Variants in DPYD observed in about 807,000 individuals in gnomAD.
DPYD encodes dihydropyrimidine dehydrogenase.
DPYD carries 109 observed loss-of-function variants against 116.2 expected under a neutral mutation model. The ratio of observed to expected loss-of-function variants is 0.94; its 90% CI spans 0.80 to 1.10. The LOEUF is 1.10. Among genes scored for constraint, DPYD ranks in the 50% least tolerant of loss-of-function variants. DPYD has a pLI of 0.00. For synonymous variants in DPYD, 440 were observed against 432.0 expected, an observed-to-expected ratio of 1.02 and a Z score of -0.23; for missense variants, 1,302 against 1,254.5, an observed-to-expected ratio of 1.04 and a Z score of -0.57.
At chr1:97,907,712 T>G (rs1436064329) in intron 1 of DPYD, among the ~76,000 whole-genome samples, 1 of 152,074 alleles carries the variant, frequency 6.6e-6, no homozygotes, top group Non-Finnish European at 1.5e-5. Context: ...CTTCCTTACG[T>G]TCTTTGTCCT....
intron 19 of DPYD, among the ~76,000 whole-genome samples, chr1:97,198,984 A>C (rs775952584): frequency 2.6e-5 from 4 of 152,128 alleles, no homozygotes; most frequent in African/African-American, 4.8e-5. Flanking sequence ...CAGTGCCCTG[A>C]ATTTTTACTT....
chr1:97,176,868 A>ATGTGTG (rs10677535), intron 20 of DPYD, among the ~76,000 whole-genome samples: 25,048 of 146,498 alleles, frequency 0.17, 2,882 homozygotes, highest in East Asian at 0.61. Flanking sequence ...GGACAAAAAA[A>ATGTGTG]TGTGTGTGTG....
intron 16 of DPYD, among the ~76,000 whole-genome samples, chr1:97,358,691 A>T (rs918563615): frequency 7.2e-5 from 11 of 152,182 alleles, no homozygotes; most frequent in Non-Finnish European, 1.6e-4. Flanking sequence ...AGCTCCAGCA[A>T]ACTTCAACAG....
chr1:97,434,405 A>C (rs536905916), intron 14 of DPYD, among the ~76,000 whole-genome samples: 291 of 152,218 alleles, frequency 1.9e-3, no homozygotes, highest in Non-Finnish European at 3.1e-3. Context: ...TCAGGAAAAG[A>C]ATCTCAGAGG....
chr1:97,814,562 G>A (rs193063859), intron 3 of DPYD, among the ~76,000 whole-genome samples: 10 of 152,048 alleles, frequency 6.6e-5, no homozygotes, highest in Admixed American at 2.0e-4. Context: ...GATTAGATGC[G>A]CATGTGAGAG....
intron 18 of DPYD, among the ~76,000 whole-genome samples, chr1:97,236,749 G>A (rs564898738): frequency 1.4e-4 from 21 of 152,324 alleles, no homozygotes; most frequent in African/African-American, 3.1e-4. Flanking sequence ...CGGACTTTGG[G>A]TGGTTAGGCT....
At chr1:97,844,372 A>G (rs1232782287) in intron 2 of DPYD, among the ~76,000 whole-genome samples, 1 of 152,224 alleles carries the variant, frequency 6.6e-6, no homozygotes, top group East Asian at 1.9e-4. Flanking sequence ...GCTGGTTGCC[A>G]GTCAATCAAC....
intron 11 of DPYD, among the ~76,000 whole-genome samples, chr1:97,571,826 T>C (rs768208816): frequency 6.6e-6 from 1 of 151,970 alleles, no homozygotes; most frequent in Non-Finnish European, 1.5e-5. Context: ...TAAATCCTAT[T>C]GAGTAAGATC....
chr1:97,549,674 T>C lies in DPYD; in HGVS notation c.1410A>G (p.Gln470=), dbSNP rs1234194360. ...GLPEVDPETM[Q]TSEAWVFAGG... ...CTGCAAATACCCATGCTTCACTAGT[T>C]TGCATAGTTTCTGGATCTACTTCTG... The change falls in exon 12 of 23, where the codon CAA becomes CAG. Residue 470 remains glutamine, a synonymous_variant. Transcript: ENST00000370192. The C allele has an allele frequency of 1.2e-6, 2 of 1,613,904 alleles. No individual in the cohort carries two copies. Among genetic ancestry groups the C allele is most frequent in the South Asian group, 1.1e-5 (1 of 91,078 alleles).
At chr1:97,126,487 C>A (rs992246734) in intron 20 of DPYD, among the ~76,000 whole-genome samples, 4 of 152,040 alleles carry the variant, frequency 2.6e-5, no homozygotes, top group Admixed American at 1.3e-4. Flanking sequence ...AGTCTATGCA[C>A]GTGCATGCTG....
At chr1:97,816,261 C>T (rs1668598842) in intron 3 of DPYD, among the ~76,000 whole-genome samples, 2 of 150,522 alleles carry the variant, frequency 1.3e-5, no homozygotes, top group Admixed American at 1.3e-4. Flanking sequence ...ATCCTATATA[C>T]CATCTCCTTT....
chr1:97,200,112 T>C lies in DPYD; in HGVS notation c.2443-6864A>G, dbSNP rs182889332. On this transcript the variant is annotated intron_variant, in intron 19 of 22. Transcript: ENST00000370192. ...TGGCACATGCTTTTGTGTAATCAAA[T>C]AGCACATTTTTCAAATGCTATTTTA... Among the ~76,000 whole-genome samples the C allele has an allele frequency of 2.0e-3, 301 of 152,282 alleles. 1 individual carries two copies. Among genetic ancestry groups the C allele is most frequent in the African/African-American group, 7.0e-3 (291 of 41,564 alleles).
intron 20 of DPYD, among the ~76,000 whole-genome samples, chr1:97,119,688 A>G (rs142672040): frequency 1.3e-5 from 2 of 152,130 alleles, no homozygotes; most frequent in South Asian, 4.1e-4. Context: ...TCATCCTGAC[A>G]GTTTCAGCCC....
intron 16 of DPYD, among the ~76,000 whole-genome samples, chr1:97,325,742 C>G (rs761832812): frequency 4.0e-4 from 61 of 151,800 alleles, no homozygotes; most frequent in Non-Finnish European, 7.8e-4. Flanking sequence ...GAGGGATTCA[C>G]AAAATCACTG....
At chr1:97,268,198 A>G (rs1664354578) in intron 18 of DPYD, among the ~76,000 whole-genome samples, 1 of 151,864 alleles carries the variant, frequency 6.6e-6, no homozygotes, top group Admixed American at 6.6e-5. Flanking sequence ...GCCCCTAGGG[A>G]TTGGGCAGCC....
intron 1 of DPYD, among the ~76,000 whole-genome samples, chr1:97,906,602 A>G (rs980680435): frequency 1.3e-5 from 2 of 152,052 alleles, no homozygotes; most frequent in Non-Finnish European, 2.9e-5. Flanking sequence ...ACAGGAGTCC[A>G]CCCTAATCCA....
intron 18 of DPYD, among the ~76,000 whole-genome samples, chr1:97,266,200 C>T (rs1020512429): frequency 2.6e-5 from 4 of 152,032 alleles, no homozygotes; most frequent in African/African-American, 9.7e-5. Flanking sequence ...GTCATTTGTT[C>T]CTTTGAGTTC....
chr1:97,671,629 CT>C (rs1199366614), intron 8 of DPYD, among the ~76,000 whole-genome samples: 8 of 151,804 alleles, frequency 5.3e-5, no homozygotes, highest in East Asian at 1.9e-4. Context: ...TCCATTGTTT[CT>C]TTTTTTTCTT....
intron 13 of DPYD, among the ~76,000 whole-genome samples, chr1:97,486,327 A>T (rs552327948): frequency 1.8e-4 from 28 of 152,240 alleles, no homozygotes; most frequent in African/African-American, 6.5e-4. Flanking sequence ...AGAACACTCA[A>T]TTTTTCATTT....
Sources: gnomAD v4.1 joint callset for allele counts (sites outside exome capture counted in the v4.1 genomes callset) on GRCh38, gnomAD v4.1.1 for gene constraint, MANE v1.5 for transcripts, NCBI Gene and HGNC (gene_info 2026-07-23, HGNC 2026-07-21) for gene names.